The following IKZF2 variants were observed in gnomAD, a reference collection of about 807,000 sequenced individuals.
The protein encoded by IKZF2 is zinc finger protein Helios.
IKZF2 carries 15 observed loss-of-function variants against 49.2 expected under a neutral mutation model. The ratio of observed to expected loss-of-function variants is 0.30; its 90% CI spans 0.20 to 0.47. The LOEUF is 0.47. Ranked by LOEUF, IKZF2 falls within the 20% of genes least tolerant of loss-of-function variation. IKZF2 has a pLI of 1.00. For synonymous variants in IKZF2, 227 were observed against 221.4 expected, an observed-to-expected ratio of 1.03 and a Z score of -0.23; for missense variants, 567 against 664.6, an observed-to-expected ratio of 0.85 and a Z score of 1.61.
At chr2:213,054,621 AG>A (rs1455846920) in intron 5 of IKZF2, among the ~76,000 whole-genome samples, 7 of 152,216 alleles carry the variant, frequency 4.6e-5, no homozygotes, top group African/African-American at 1.7e-4. Context: ...AAAGCATGAC[AG>A]GTATCACAGC....
At chr2:213,062,491 A>T (rs1339456266) in intron 4 of IKZF2, among the ~76,000 whole-genome samples, 1 of 151,648 alleles carries the variant, frequency 6.6e-6, no homozygotes. Context: ...TTTAATTTTA[A>T]TTTTTAATTT....
At chr2:213,010,031 A>AT (rs1695778687) in intron 8 of IKZF2, among the ~76,000 whole-genome samples, 1 of 152,138 alleles carries the variant, frequency 6.6e-6, no homozygotes, top group Admixed American at 6.6e-5. Context: ...ATTGAAGGGG[A>AT]TAAACAAGGA....
At chr2:213,083,298 C>T (rs1704159840) in intron 4 of IKZF2, among the ~76,000 whole-genome samples, 1 of 151,442 alleles carries the variant, frequency 6.6e-6, no homozygotes, top group Non-Finnish European at 1.5e-5. Context: ...TCTGTATTTA[C>T]AGCACTTCCC....
intron 7 of IKZF2, among the ~76,000 whole-genome samples, chr2:213,019,694 G>A (rs1322384811): frequency 6.6e-6 from 1 of 152,052 alleles, no homozygotes; most frequent in Non-Finnish European, 1.5e-5. Context: ...CTCCTCTTTG[G>A]TTTTACCCTC....
chr2:213,132,745 A>G (rs1391549450), intron 4 of IKZF2, among the ~76,000 whole-genome samples: 1 of 152,188 alleles, frequency 6.6e-6, no homozygotes, highest in African/African-American at 2.4e-5. Flanking sequence ...CAGCAAACAC[A>G]TCTTCTGAAT....
At chr2:213,008,906 G>T (rs1166174483) in intron 8 of IKZF2, among the ~76,000 whole-genome samples, 1 of 151,966 alleles carries the variant, frequency 6.6e-6, no homozygotes, top group East Asian at 1.9e-4. Flanking sequence ...TCATTCTGGA[G>T]ATTTTTTAAA....
chr2:213,059,281 T>C (rs985634661), intron 4 of IKZF2, among the ~76,000 whole-genome samples: 2 of 151,760 alleles, frequency 1.3e-5, no homozygotes, highest in African/African-American at 2.4e-5. Context: ...GTTTATGATA[T>C]CTTTTGCAAA....
Position 213,008,260 on chromosome 2 carries a change from AT to A in IKZF2, c.857-177del, listed in dbSNP as rs202029776. On this transcript the variant is annotated intron_variant, in intron 8 of 8. Transcript: ENST00000434687. ...GGCAATTCTGCTGATGCTCACACAC[AT>A]TTTTTTTTTTTTTGAGACAGAGTCT... 3.2e-3 allele frequency among the ~76,000 whole-genome samples: 458 copies of A among 144,422 alleles called. 1 individual carries two copies. The highest frequency in any genetic ancestry group is 6.7e-3 in the East Asian group (33 of 4,960). 94.7% of individuals were successfully genotyped at this position (144,422 alleles called of 152,430 possible).
chr2:213,045,556 A>T (rs1419763327), intron 6 of IKZF2, among the ~76,000 whole-genome samples: 1 of 152,198 alleles, frequency 6.6e-6, no homozygotes, highest in Non-Finnish European at 1.5e-5. Context: ...GGAATATTAT[A>T]TTCATGACAT....
chr2:213,113,536 T>G (rs1002196105), intron 4 of IKZF2, among the ~76,000 whole-genome samples: 8 of 152,174 alleles, frequency 5.3e-5, no homozygotes, highest in Non-Finnish European at 1.2e-4. Flanking sequence ...TATTAAAACC[T>G]CTAGTAAATA....
intron 4 of IKZF2, among the ~76,000 whole-genome samples, chr2:213,073,313 T>A (rs1447917321): frequency 6.6e-6 from 1 of 152,038 alleles, no homozygotes; most frequent in Non-Finnish European, 1.5e-5. Flanking sequence ...AGTGATGGAG[T>A]TCAGTGAGTA....
At chr2:213,060,639 A>G (rs1440312315) in intron 4 of IKZF2, among the ~76,000 whole-genome samples, 1 of 151,468 alleles carries the variant, frequency 6.6e-6, no homozygotes, top group East Asian at 1.9e-4. Context: ...ATATCTGTGG[A>G]AATGTACACA....
intron 6 of IKZF2, among the ~76,000 whole-genome samples, chr2:213,047,631 T>A (rs1367065732): frequency 6.6e-6 from 1 of 152,114 alleles, no homozygotes; most frequent in East Asian, 1.9e-4. Context: ...GAATACTCAC[T>A]AGCTATTTTG....
At chr2:213,025,259 A>T (rs1337611026) in intron 6 of IKZF2, among the ~76,000 whole-genome samples, 1 of 152,150 alleles carries the variant, frequency 6.6e-6, no homozygotes, top group Non-Finnish European at 1.5e-5. Context: ...TGTTCTCAGT[A>T]CAATGTTCTC....
At chr2:213,136,445 A>T (rs2060680830) in intron 4 of IKZF2, among the ~76,000 whole-genome samples, 1 of 151,480 alleles carries the variant, frequency 6.6e-6, no homozygotes, top group Non-Finnish European at 1.5e-5. Flanking sequence ...AAAATACCTT[A>T]TATTTTGACT....
intron 4 of IKZF2, among the ~76,000 whole-genome samples, chr2:213,101,644 C>T (rs902865790): frequency 6.6e-6 from 1 of 151,900 alleles, no homozygotes; most frequent in Non-Finnish European, 1.5e-5. Flanking sequence ...TGTTTATGTC[C>T]ACAAAGGAAA....
At chr2:213,140,282 T>A (rs891240770) in intron 4 of IKZF2, among the ~76,000 whole-genome samples, 22 of 151,994 alleles carry the variant, frequency 1.4e-4, no homozygotes, top group African/African-American at 5.3e-4. Flanking sequence ...ATGTTATCTA[T>A]GCTATACTGT....
chr2:213,040,697 A>T (rs1427521906), intron 6 of IKZF2, among the ~76,000 whole-genome samples: 1 of 152,226 alleles, frequency 6.6e-6, no homozygotes, highest in Admixed American at 6.5e-5. Flanking sequence ...TGTAATATAT[A>T]TAATGTACAA....
chr2:213,137,414 CA>C (rs2060716015), intron 4 of IKZF2, among the ~76,000 whole-genome samples: 1 of 151,930 alleles, frequency 6.6e-6, no homozygotes, highest in Non-Finnish European at 1.5e-5. Context: ...AAGCAGTACA[CA>C]AAAATGATTA....
Sources: allele counts gnomAD v4.1 joint callset (sites outside exome capture counted in the v4.1 genomes callset), GRCh38; gene constraint gnomAD v4.1.1; transcripts MANE v1.5; gene names NCBI Gene and HGNC (gene_info 2026-07-23, HGNC 2026-07-21).